The following PRR16 variants were observed in gnomAD, a reference collection of about 807,000 sequenced individuals.
PRR16 encodes proline rich 16.
In PRR16, 6 loss-of-function variants were observed where a neutral mutation model predicts 18.2. The ratio of observed to expected loss-of-function variants is 0.33; its 90% CI spans 0.18 to 0.65. The LOEUF (loss-of-function observed/expected upper bound fraction) is 0.65. PRR16 is among the 30% of genes least tolerant of loss of function. PRR16 has a pLI of 0.74. For missense variants in PRR16, 412 were observed against 376.6 expected (o/e 1.09, Z -0.78); for synonymous variants, 151 against 147.8 (o/e 1.02, Z -0.16).
At chr5:120,561,120 A>G (rs560996470) in intron 1 of PRR16, among the ~76,000 whole-genome samples, 2 of 151,804 alleles carry the variant, frequency 1.3e-5, no homozygotes, top group African/African-American at 4.8e-5. Context: ...TTATTTATTT[A>G]TACTCTGATC....
At chr5:120,651,190 G>C (rs1258374687) in intron 1 of PRR16, among the ~76,000 whole-genome samples, 1 of 151,964 alleles carries the variant, frequency 6.6e-6, no homozygotes, top group East Asian at 1.9e-4. Flanking sequence ...GTTTTTTCTT[G>C]TCAATTTGTT....
the PRR16 span, among the ~76,000 whole-genome samples, chr5:120,721,087 A>T: frequency 1.3e-5 from 2 of 152,124 alleles, no homozygotes; most frequent in African/African-American, 4.8e-5. Context: ...TTACACATGT[A>T]AGTGTATGCT....
At chr5:120,635,383 AATGAATCCAACAGCGT>A (rs1265214027) in intron 1 of PRR16, among the ~76,000 whole-genome samples, 1 of 152,200 alleles carries the variant, frequency 6.6e-6, no homozygotes, top group Non-Finnish European at 1.5e-5. Context: ...ATACTAGCTA[AATGAATCCAACAGCGT>A]ATCAAAAAGA....
At chr5:120,611,138 A>T (rs1754320872) in intron 1 of PRR16, among the ~76,000 whole-genome samples, 1 of 152,090 alleles carries the variant, frequency 6.6e-6, no homozygotes, top group South Asian at 2.1e-4. Context: ...GAGAGAGATG[A>T]TTTAGGGTAT....
chr5:120,598,322 G>A (rs1753879233), intron 1 of PRR16, among the ~76,000 whole-genome samples: 1 of 151,844 alleles, frequency 6.6e-6, no homozygotes, highest in East Asian at 1.9e-4. Context: ...TAATTAAAAA[G>A]AATTATCTCC....
intron 1 of PRR16, among the ~76,000 whole-genome samples, chr5:120,542,038 C>G (rs1751933093): frequency 1.3e-5 from 2 of 151,798 alleles, no homozygotes; most frequent in Non-Finnish European, 2.9e-5. Flanking sequence ...TTCTTTTCCT[C>G]TAGGTGTTAC....
At chr5:120,651,131 G>T (rs1007565977) in intron 1 of PRR16, among the ~76,000 whole-genome samples, 2 of 152,092 alleles carry the variant, frequency 1.3e-5, no homozygotes, top group Non-Finnish European at 2.9e-5. Flanking sequence ...GTCTTCTTTT[G>T]AGAAGTGTCT....
chr5:120,591,683 G>C (rs1378079207), intron 1 of PRR16, among the ~76,000 whole-genome samples: 1 of 151,836 alleles, frequency 6.6e-6, no homozygotes, highest in Non-Finnish European at 1.5e-5. Flanking sequence ...ATTACTTTCT[G>C]TTTTCTCAGA....
intron 1 of PRR16, among the ~76,000 whole-genome samples, chr5:120,563,628 A>G (rs555203137): frequency 1.9e-4 from 29 of 152,248 alleles, no homozygotes; most frequent in African/African-American, 7.0e-4. Context: ...AAGACTCACC[A>G]TGGGCCAGTG....
At chr5:120,792,193 G>T in the PRR16 span, among the ~76,000 whole-genome samples, 1 of 152,112 alleles carries the variant, frequency 6.6e-6, no homozygotes, top group Non-Finnish European at 1.5e-5. Context: ...GTGATAAGCA[G>T]CACTTTACCA....
At chr5:120,749,569 C>T in the PRR16 span, among the ~76,000 whole-genome samples, 1 of 152,124 alleles carries the variant, frequency 6.6e-6, no homozygotes, top group Non-Finnish European at 1.5e-5. Context: ...TTATTTTAGA[C>T]TGTCATGCTA....
At chr5:120,748,973 T>C in the PRR16 span, among the ~76,000 whole-genome samples, 2 of 152,150 alleles carry the variant, frequency 1.3e-5, no homozygotes, top group Non-Finnish European at 2.9e-5. Context: ...CTTTAAACAA[T>C]TTTACTCCTG....
the PRR16 span, among the ~76,000 whole-genome samples, chr5:120,711,755 A>C: frequency 6.6e-6 from 1 of 152,278 alleles, no homozygotes; most frequent in East Asian, 1.9e-4. Context: ...ATAGTCTATG[A>C]TCTGCAAAGC....
intron 1 of PRR16, among the ~76,000 whole-genome samples, chr5:120,575,131 T>C (rs1302908308): frequency 1.5e-5 from 2 of 136,438 alleles, no homozygotes; most frequent in Admixed American, 1.4e-4. Context: ...TATGTATGTG[T>C]AGGCAAATAT....
chr5:120,740,470 T>G, the PRR16 span, among the ~76,000 whole-genome samples: 6 of 152,088 alleles, frequency 3.9e-5, no homozygotes, highest in African/African-American at 1.5e-4. Flanking sequence ...AAACATTTTA[T>G]TTGAAAATAC....
chr5:120,755,053 A>AG, the PRR16 span, among the ~76,000 whole-genome samples: 1 of 70,044 alleles, frequency 1.4e-5, no homozygotes, highest in African/African-American at 5.5e-5. Flanking sequence ...TCATTTTGGG[A>AG]GGGGGGAGGG....
intron 1 of PRR16, among the ~76,000 whole-genome samples, chr5:120,492,979 G>A (rs1750115934): frequency 6.6e-6 from 1 of 152,152 alleles, no homozygotes. Flanking sequence ...ACTTAGTTTG[G>A]TTCCACATCC....
At chr5:120,764,685 AAGTCAAAG>A in the PRR16 span, among the ~76,000 whole-genome samples, 4 of 112,868 alleles carry the variant, frequency 3.5e-5, no homozygotes, top group African/African-American at 1.5e-4. Context: ...GAATGCAAAG[AAGTCAAAG>A]AAGTGTATAT....
chr5:120,623,948 G>T (rs2112826563), intron 1 of PRR16, among the ~76,000 whole-genome samples: 1 of 151,928 alleles, frequency 6.6e-6, no homozygotes. Context: ...TATTAATGTA[G>T]AGATACATAA....
Sources: gnomAD v4.1 joint callset for allele counts (sites outside exome capture counted in the v4.1 genomes callset) on GRCh38, gnomAD v4.1.1 for gene constraint, MANE v1.5 for transcripts, NCBI Gene and HGNC (gene_info 2026-07-23, HGNC 2026-07-21) for gene names.